The following BBS7 variants were observed in gnomAD, a reference collection of about 807,000 sequenced individuals.
BBS7 encodes Bardet-Biedl syndrome 7.
BBS7 carries 50 observed loss-of-function variants against 90.3 expected under a neutral mutation model. The ratio of observed to expected loss-of-function variants is 0.55; its 90% CI spans 0.44 to 0.70. The LOEUF (loss-of-function observed/expected upper bound fraction) is 0.70, where lower values mean the gene tolerates loss of function less well. BBS7 is among the 30% of genes least tolerant of loss of function. BBS7 has a pLI of 0.00. For missense variants in BBS7, 729 were observed against 838.9 expected, an observed-to-expected ratio of 0.87 and a Z score of 1.62; for synonymous variants, 235 against 287.4, an observed-to-expected ratio of 0.82 and a Z score of 1.85.
chr4:121,843,772 A>G (rs559373053), intron 12 of BBS7, among the ~76,000 whole-genome samples, 155 bp downstream of exon 12: 12 of 152,330 alleles, frequency 7.9e-5, no homozygotes, highest in African/African-American at 2.9e-4. Context: ...TCGACTGAGG[A>G]CAGGGAAAGA....
chr4:121,858,926 T>C, intron 5 of BBS7, 66 bp downstream of exon 5: 2 of 1,448,046 alleles, frequency 1.4e-6, no homozygotes. Flanking sequence ...TTATCTCAAG[T>C]ACATAATGTT....
At chr4:121,835,764 GA>G (rs1177009835) in intron 13 of BBS7, among the ~76,000 whole-genome samples, 2 of 151,456 alleles carry the variant, frequency 1.3e-5, no homozygotes, top group Non-Finnish European at 2.9e-5. Context: ...TTTTCCATAA[GA>G]AAAAAAGCTT....
At chr4:121,861,019 T>G (rs191440032) in intron 4 of BBS7, among the ~76,000 whole-genome samples, 3 of 152,334 alleles carry the variant, frequency 2.0e-5, no homozygotes. Flanking sequence ...TTCAGCTCCC[T>G]GTGATTCAAA....
intron 2 of BBS7, among the ~76,000 whole-genome samples, chr4:121,864,527 TATGTA>T (rs1727155881): frequency 6.6e-6 from 1 of 152,254 alleles, no homozygotes; most frequent in Admixed American, 6.5e-5. Context: ...AAAGACATGT[TATGTA>T]AACATGTAAT....
At chr4:121,865,393 C>T (rs1002838306) in intron 2 of BBS7, among the ~76,000 whole-genome samples, 2 of 152,056 alleles carry the variant, frequency 1.3e-5, no homozygotes, top group Non-Finnish European at 2.9e-5. Context: ...TGCCTGCCAT[C>T]GTGCCTGGCT....
chr4:121,828,026 G>A, intron 18 of BBS7, 120 bp downstream of exon 18: 1 of 1,530,570 alleles, frequency 6.5e-7, no homozygotes, highest in Non-Finnish European at 8.7e-7. Context: ...TTCATGACTG[G>A]TTCATGAATC....
At chr4:121,855,949 CATAT>C (rs1405836367) in intron 5 of BBS7, among the ~76,000 whole-genome samples, 2 of 26,988 alleles carry the variant, frequency 7.4e-5, no homozygotes, top group African/African-American at 1.5e-4. Context: ...TGTATATGTA[CATAT>C]ATATGTGTGT....
intron 10 of BBS7, among the ~76,000 whole-genome samples, chr4:121,846,516 T>C (rs1184231622): frequency 1.3e-5 from 2 of 152,152 alleles, no homozygotes; most frequent in Admixed American, 6.5e-5. Context: ...GATATAAGTT[T>C]CTCATAAAGC....
At chr4:121,854,490 G>A (rs374003047) in intron 7 of BBS7, among the ~76,000 whole-genome samples, 13 of 152,002 alleles carry the variant, frequency 8.6e-5, no homozygotes, top group Admixed American at 3.3e-4. Flanking sequence ...CTATAAAAAC[G>A]TATCAATACC....
intron 4 of BBS7, among the ~76,000 whole-genome samples, chr4:121,860,016 T>C (rs1388634962): frequency 3.9e-5 from 6 of 152,218 alleles, no homozygotes; most frequent in East Asian, 3.9e-4. Flanking sequence ...GAATGTTTCA[T>C]GTATTCCTCT....
chr4:121,858,138 G>A (rs536637625), intron 5 of BBS7, among the ~76,000 whole-genome samples: 7 of 152,136 alleles, frequency 4.6e-5, no homozygotes, highest in African/African-American at 1.7e-4. Flanking sequence ...TTTGTCCCTG[G>A]GGGGTAAAAA....
At chr4:121,850,853 A>G (rs1560656247) in intron 8 of BBS7, among the ~76,000 whole-genome samples, 1 of 152,190 alleles carries the variant, frequency 6.6e-6, no homozygotes, top group East Asian at 1.9e-4. Context: ...TATCCTGCAA[A>G]TTAGGCTATG....
chr4:121,850,482 A>C (rs2149074603), intron 8 of BBS7, among the ~76,000 whole-genome samples: 1 of 152,276 alleles, frequency 6.6e-6, no homozygotes, highest in South Asian at 2.1e-4. Context: ...TGTGTTTTTA[A>C]CTAACACTCT....
chr4:121,840,196 T>G (rs1040871890), intron 12 of BBS7, among the ~76,000 whole-genome samples: 1 of 152,146 alleles, frequency 6.6e-6, no homozygotes, highest in African/African-American at 2.4e-5. Context: ...GTGAATAAGA[T>G]CTGATGGTTT....
chr4:121,843,285 GGAAGGAAGAC>G (rs1725835945), intron 12 of BBS7, among the ~76,000 whole-genome samples: 2 of 152,166 alleles, frequency 1.3e-5, no homozygotes, highest in African/African-American at 2.4e-5. Flanking sequence ...TCGTGTTTTA[GGAAGGAAGAC>G]GTCTCTGGTG....
intron 4 of BBS7, among the ~76,000 whole-genome samples, chr4:121,859,763 C>G (rs925498839): frequency 2.7e-5 from 4 of 150,340 alleles, no homozygotes; most frequent in Non-Finnish European, 5.9e-5. Context: ...AAATGATAAA[C>G]AGCAGAAAAA....
chr4:121,867,366 CAG>C (rs746483579), intron 2 of BBS7, among the ~76,000 whole-genome samples: 2 of 152,096 alleles, frequency 1.3e-5, no homozygotes, highest in African/African-American at 4.8e-5. Flanking sequence ...CATCGGCAAA[CAG>C]AGATAATTTG....
At chr4:121,844,917 C>T (rs1005678692) in intron 11 of BBS7, among the ~76,000 whole-genome samples, 1 of 152,044 alleles carries the variant, frequency 6.6e-6, no homozygotes, top group South Asian at 2.1e-4. Flanking sequence ...AGAGGGTAGC[C>T]AAAGAAGAAA....
At chr4:121,869,095 A>G (rs1158837177) in intron 1 of BBS7, among the ~76,000 whole-genome samples, 1 of 152,214 alleles carries the variant, frequency 6.6e-6, no homozygotes, top group Non-Finnish European at 1.5e-5. Context: ...ATGAGAACCC[A>G]AATGAGGGTA....
Sources: allele counts gnomAD v4.1 joint callset (sites outside exome capture counted in the v4.1 genomes callset), GRCh38; gene constraint gnomAD v4.1.1; transcripts MANE v1.5; gene names NCBI Gene and HGNC (gene_info 2026-07-23, HGNC 2026-07-21).